LRRK1: variants seen among roughly 807,000 people sequenced by gnomAD.
LRRK1 encodes the protein leucine-rich repeat serine/threonine-protein kinase 1.
LRRK1 carries 113 observed loss-of-function variants against 209.1 expected under a neutral mutation model. That is an observed-to-expected ratio of 0.54 (90% CI 0.46 to 0.63). The LOEUF (loss-of-function observed/expected upper bound fraction) is 0.63, where lower values mean the gene tolerates loss of function less well. LRRK1 is among the 30% of genes least tolerant of loss of function. The probability of loss-of-function intolerance (pLI) is 0.00; values close to 1 mark genes in which losing one functional copy is unlikely to be tolerated. For missense variants in LRRK1, 2,284 were observed against 2,632.2 expected (o/e 0.87, Z 2.89); for synonymous variants, 1,144 against 1,099.7 (o/e 1.04, Z -0.80).
rs62019452 is a variant in LRRK1 at position 100,936,945 on chromosome 15, A to T, written c.97+12216A>T. Among the ~76,000 whole-genome samples, 3 of 152,274 alleles carry T rather than the reference A, an allele frequency of 2.0e-5. No homozygotes were observed. The South Asian group carries it at 6.2e-4, about 32-fold the overall frequency. On this transcript the variant is annotated intron_variant, in intron 2 of 33. Transcript: ENST00000388948. ...TTTGCATCTTGCTTCTTCAACCAAC[A>T]TAAGTTTGATAATATAAGTATGTCC...
Position 101,012,161 on chromosome 15 carries a change from C to G in LRRK1, c.1419+16C>G. 14 of 1,578,836 alleles carry G rather than the reference C, an allele frequency of 8.9e-6. No homozygotes were observed. The highest frequency in any genetic ancestry group is 1.2e-5 in the Non-Finnish European group (14 of 1,166,960). On this transcript the variant is annotated intron_variant, in intron 10 of 33. Transcript: ENST00000388948. Reference sequence around the variant, plus strand: ...CCAGCTTGATGTAAGCCTAATAGCCCTTTCTTTCTCATTTTCGGCTTTTGA... The same window carrying G: ...CCAGCTTGATGTAAGCCTAATAGCCGTTTCTTTCTCATTTTCGGCTTTTGA...
chr15:100,980,401 G>T (rs1596230964), intron 3 of LRRK1, among the ~76,000 whole-genome samples: 1 of 152,208 alleles, frequency 6.6e-6, no homozygotes, highest in Admixed American at 6.5e-5. Context: ...TTTGTCAGGG[G>T]TTAGAGATGG....
At chr15:100,942,743 G>T (rs1439832107) in intron 2 of LRRK1, among the ~76,000 whole-genome samples, 1 of 152,042 alleles carries the variant, frequency 6.6e-6, no homozygotes, top group Non-Finnish European at 1.5e-5. Context: ...AAGAAAACTG[G>T]TACAGTGTGA....
chr15:101,057,114 C>T, intron 28 of LRRK1, 64 bp downstream of exon 28: 1 of 1,441,988 alleles, frequency 6.9e-7, no homozygotes. Context: ...TGTGGGTCCC[C>T]AGGGGGTGTG....
At position 101,052,905 on chromosome 15, in the gene LRRK1, C is replaced by A; in HGVS notation, c.3690-17C>A. On this transcript the variant is annotated splice_polypyrimidine_tract_variant and intron_variant, in intron 24 of 33. Coordinates refer to ENST00000388948, the MANE Select transcript of LRRK1 (RefSeq NM_024652.6). Reference sequence around the variant, plus strand: ...CAGGGCGGGGGGGATGTGGCTGATGCCGGGCGTGTGTGGCAGGCTCTTCCT... The same window carrying A: ...CAGGGCGGGGGGGATGTGGCTGATGACGGGCGTGTGTGGCAGGCTCTTCCT... 1.3e-6 allele frequency: 2 copies of A among 1,598,574 alleles called. No homozygotes were observed. The highest frequency in any genetic ancestry group is 1.7e-6 in the Non-Finnish European group (2 of 1,168,202).
At chr15:101,058,293 G>A (rs2035932112) in intron 29 of LRRK1, 152 bp downstream of exon 29, 2 of 761,812 alleles carry the variant, frequency 2.6e-6, no homozygotes, top group South Asian at 3.7e-5. Context: ...GAAAGAGCAG[G>A]GAGAGCAGAA....
At chr15:100,995,934 G>A (rs917870457) in intron 6 of LRRK1, among the ~76,000 whole-genome samples, 1 of 152,254 alleles carries the variant, frequency 6.6e-6, no homozygotes, top group Non-Finnish European at 1.5e-5. Flanking sequence ...TCCGGCATAT[G>A]TAGCTTTCAA....
At position 101,021,890 on chromosome 15, in the gene LRRK1, C is replaced by A. The variant is rs768321919; in HGVS notation, c.1785C>A (p.Gly595=). 64 of 1,613,906 alleles carry A rather than the reference C, an allele frequency of 4.0e-5. No individual in the cohort carries two copies. Among genetic ancestry groups the A allele is most frequent in the Non-Finnish European group, 5.1e-5 (60 of 1,179,992 alleles). Residue 595 remains glycine (G), a synonymous_variant, in exon 14 of 34, where the codon GGC becomes GGA. Coordinates refer to ENST00000388948, the MANE Select transcript of LRRK1 (RefSeq NM_024652.6). ...TCCCTCCTGAGCTGGGGCAGCTGGGCAACCTCTGGCAGCTGGACACTGAAG... is the reference window on the plus strand; with the variant it reads ...TCCCTCCTGAGCTGGGGCAGCTGGGAAACCTCTGGCAGCTGGACACTGAAG... The part of the protein sequence containing the change: ...RELPPELGQL[G]NLWQLDTEDL...
chr15:101,051,687 G>A lies in LRRK1; in HGVS notation c.3440-24G>A, dbSNP rs201654667. 5,140 of 1,606,934 alleles carry A rather than the reference G, an allele frequency of 3.2e-3. 11 individuals carry two copies. Among genetic ancestry groups the A allele is most frequent in the Non-Finnish European group, 4.0e-3 (4,666 of 1,175,396 alleles). On this transcript the variant is annotated intron_variant, in intron 23 of 33. Transcript: ENST00000388948. ...TCCTGCACCACCTTCTTGTGAAGCTGTCTCCTGCTCTGTCCTTATTTAGCC... is the reference window on the plus strand; with the variant it reads ...TCCTGCACCACCTTCTTGTGAAGCTATCTCCTGCTCTGTCCTTATTTAGCC...
At position 101,074,040 on chromosome 15, in the gene LRRK1, G is replaced by T. The variant is rs1029014486; in HGVS notation, c.*5192G>T. 6.6e-6 allele frequency: 1 copy of T among 152,132 alleles called. No individual in the cohort carries two copies. Among genetic ancestry groups the T allele is most frequent in the Admixed American group, 6.5e-5 (1 of 15,278 alleles). The allele number at this position is 152,132 out of a possible 1,614,324, so 9.4% of individuals were successfully genotyped here. A position where few individuals can be genotyped will look rare whatever the true frequency, so the allele number is the denominator to read the frequency against. ...AATGGGCAAATGGTCTGAGGTGCCT[G>T]ACGTCCAGGCGTTCTTTTACACATC... On this transcript the variant is annotated 3_prime_UTR_variant, in exon 34 of 34. Transcript: ENST00000388948.
At chr15:101,037,445 C>T (rs1419424972) in intron 20 of LRRK1, among the ~76,000 whole-genome samples, 3 of 152,098 alleles carry the variant, frequency 2.0e-5, no homozygotes, top group Admixed American at 6.5e-5. Flanking sequence ...GGCCAGGGGA[C>T]ATGAAGCCAG....
chr15:101,019,814 G>A (rs1370258321), intron 12 of LRRK1, among the ~76,000 whole-genome samples: 1 of 152,148 alleles, frequency 6.6e-6, no homozygotes, highest in Non-Finnish European at 1.5e-5. Flanking sequence ...GCCTTAGTAG[G>A]GAGGATAAAG....
At chr15:101,058,514 A>G (rs1454845384) in intron 29 of LRRK1, among the ~76,000 whole-genome samples, 3 of 151,480 alleles carry the variant, frequency 2.0e-5, no homozygotes, top group Non-Finnish European at 4.4e-5. Flanking sequence ...CTTTTAAAAA[A>G]TTAGAAAATT....
At chr15:100,984,239 C>T (rs185890849) in intron 4 of LRRK1, among the ~76,000 whole-genome samples, 52 of 152,288 alleles carry the variant, frequency 3.4e-4, no homozygotes, top group Non-Finnish European at 4.7e-4. Context: ...GTGCGCCCTC[C>T]ACATGGTTTT....
At position 101,077,446 on chromosome 15, in the gene LRRK1, T is replaced by C. The variant is rs149063632; in HGVS notation, c.*8598T>C. ...CTCTGAACTCTTAAATACATAATCTTTGCTGGCAGGACTATGCTGAACCTC... is the reference window on the plus strand; with the variant it reads ...CTCTGAACTCTTAAATACATAATCTCTGCTGGCAGGACTATGCTGAACCTC... On this transcript the variant is annotated 3_prime_UTR_variant, in exon 34 of 34. Transcript: ENST00000388948. 5.8e-4 allele frequency: 89 copies of C among 152,342 alleles called. No homozygotes were observed. Among genetic ancestry groups the C allele is most frequent in the African/African-American group, 2.1e-3 (86 of 41,584 alleles). The allele number at this position is 152,342 out of a possible 1,614,324, so 9.4% of individuals were successfully genotyped here.
At position 101,024,567 on chromosome 15, in the gene LRRK1, TCTCTG is replaced by T. The variant is rs931307524; in HGVS notation, c.2068-228_2068-224del. On this transcript the variant is annotated intron_variant, in intron 15 of 33. Coordinates refer to ENST00000388948, the MANE Select transcript of LRRK1 (RefSeq NM_024652.6). The surrounding 1 kb of genome is among the most constrained non-coding windows in gnomAD (Gnocchi z 4.6). ...CCTCTGAAGTCTGTCCAGGGCCTGG[TCTCTG>T]CTCTGCTAGGAGTAGACAGAAGTCC... Among the ~76,000 whole-genome samples the T allele has an allele frequency of 2.6e-5, 4 of 152,182 alleles. No individual in the cohort carries two copies. Among genetic ancestry groups the T allele is most frequent in the African/African-American group, 9.7e-5 (4 of 41,446 alleles).
chr15:100,960,022 C>G (rs2042843963), intron 2 of LRRK1, among the ~76,000 whole-genome samples: 1 of 152,002 alleles, frequency 6.6e-6, no homozygotes, highest in South Asian at 2.1e-4. Context: ...CTTTGTCAAC[C>G]TGAAAAGCAT....
At chr15:100,967,699 T>C (rs1374631534) in intron 2 of LRRK1, among the ~76,000 whole-genome samples, 1 of 152,192 alleles carries the variant, frequency 6.6e-6, no homozygotes, top group Non-Finnish European at 1.5e-5. Context: ...GTAGAAAGAA[T>C]TGAACCATCT....
At chr15:100,960,889 C>T (rs775249115) in intron 2 of LRRK1, among the ~76,000 whole-genome samples, 3 of 152,172 alleles carry the variant, frequency 2.0e-5, no homozygotes, top group Non-Finnish European at 4.4e-5. Context: ...TCCATTTCCT[C>T]TCCGTTTTTT....
Sources: allele counts gnomAD v4.1 joint callset (sites outside exome capture counted in the v4.1 genomes callset), GRCh38; gene constraint gnomAD v4.1.1; non-coding constraint Gnocchi (gnomAD v3.1); transcripts MANE v1.5; gene names NCBI Gene and HGNC (gene_info 2026-07-23, HGNC 2026-07-21).